Variants in RIMS2 observed in about 807,000 individuals in gnomAD.
The protein encoded by RIMS2 is regulating synaptic membrane exocytosis 2.
Under a neutral mutation model 174.4 loss-of-function variants are expected in RIMS2, and 59 were observed. That is an observed-to-expected ratio of 0.34 (90% CI 0.27 to 0.42). The LOEUF is 0.42. RIMS2 is among the 10% of genes least tolerant of loss of function. The pLI is 1.00. For synonymous variants in RIMS2, 606 were observed against 572.5 expected (o/e 1.06, Z -0.84); for missense variants, 1,620 against 1,666.3 (o/e 0.97, Z 0.48).
intron 1 of RIMS2, among the ~76,000 whole-genome samples, chr8:103,628,006 G>A (rs550846093): frequency 6.6e-6 from 1 of 152,224 alleles, no homozygotes; most frequent in South Asian, 2.1e-4. Flanking sequence ...CTGAACAACT[G>A]CATGCATGCT....
chr8:103,885,634 G>A, exon 4 of RIMS2: 1 of 1,613,098 alleles, frequency 6.2e-7, no homozygotes, highest in Non-Finnish European at 8.5e-7. Flanking sequence ...ATCCAGTAAA[G>A]CCACAACCCT....
intron 19 of RIMS2, among the ~76,000 whole-genome samples, chr8:104,062,237 C>T (rs145938500): frequency 8.1e-4 from 123 of 152,082 alleles, no homozygotes; most frequent in African/African-American, 2.7e-3. Flanking sequence ...ACTCCTGTCT[C>T]TACAAAAAAT....
intron 19 of RIMS2, among the ~76,000 whole-genome samples, chr8:104,102,416 C>T (rs1057109817): frequency 1.3e-5 from 2 of 152,144 alleles, no homozygotes; most frequent in Non-Finnish European, 1.5e-5. Flanking sequence ...GCTTAATTGC[C>T]TCTGAAATAT....
At chr8:104,144,479 G>A (rs1206394439) in intron 19 of RIMS2, among the ~76,000 whole-genome samples, 4 of 152,062 alleles carry the variant, frequency 2.6e-5, no homozygotes, top group African/African-American at 7.2e-5. Flanking sequence ...AAGAAGAAGC[G>A]ATGTTGGACC....
intron 2 of RIMS2, among the ~76,000 whole-genome samples, chr8:103,708,794 T>C (rs541112015): frequency 6.6e-6 from 1 of 152,286 alleles, no homozygotes; most frequent in African/African-American, 2.4e-5. Context: ...GTATTTTTCT[T>C]TGTGTCTCTT....
chr8:103,873,110 G>A (rs1215798888), intron 3 of RIMS2, among the ~76,000 whole-genome samples: 4 of 152,120 alleles, frequency 2.6e-5, no homozygotes, highest in South Asian at 2.1e-4. Flanking sequence ...TTGGTAGATA[G>A]GATATCCTCC....
At chr8:103,601,516 G>C (rs537158788) in intron 1 of RIMS2, among the ~76,000 whole-genome samples, 4 of 152,004 alleles carry the variant, frequency 2.6e-5, no homozygotes, top group Non-Finnish European at 5.9e-5. Flanking sequence ...CATTGGCATG[G>C]AATATCTTTT....
rs374951721 is a variant in RIMS2, at chr8:104,147,253, A to G, written c.3335-97663A>G. On this transcript the variant is annotated intron_variant, in intron 19 of 23. Coordinates refer to ENST00000504942, the Ensembl canonical transcript of RIMS2. The stretch of plus-strand genomic sequence containing the variant: ...TGCGCCTTCTCTCTCTCTCCCTCGC[A>G]CACACACACACTAACTCTCTTTGTC... 2.7e-3 allele frequency among the ~76,000 whole-genome samples: 409 copies of G among 151,672 alleles called. 31 individuals are homozygous for G. The South Asian group carries it at 0.082, about 31-fold the overall frequency.
chr8:104,150,294 A>T (rs2098678837), intron 19 of RIMS2, among the ~76,000 whole-genome samples: 1 of 152,208 alleles, frequency 6.6e-6, no homozygotes, highest in African/African-American at 2.4e-5. Context: ...AATTCCATTC[A>T]CTCAGGGTTC....
intron 1 of RIMS2, among the ~76,000 whole-genome samples, chr8:103,515,261 C>T (rs1828451692): frequency 6.6e-6 from 1 of 152,172 alleles, no homozygotes; most frequent in Non-Finnish European, 1.5e-5. Context: ...ATCACTTTAA[C>T]CTCACTATTC....
At chr8:103,710,614 G>A (rs2097292180) in intron 2 of RIMS2, among the ~76,000 whole-genome samples, 1 of 152,116 alleles carries the variant, frequency 6.6e-6, no homozygotes, top group African/African-American at 2.4e-5. Context: ...GCGTCAGAGT[G>A]TGGCAACTTT....
At chr8:103,545,825 A>G (rs1337992275) in intron 1 of RIMS2, among the ~76,000 whole-genome samples, 2 of 152,178 alleles carry the variant, frequency 1.3e-5, no homozygotes, top group Non-Finnish European at 2.9e-5. Flanking sequence ...TTAACAAGTA[A>G]GGTCCTTAGG....
intron 19 of RIMS2, among the ~76,000 whole-genome samples, chr8:104,047,435 C>G (rs148125255): frequency 6.8e-4 from 104 of 152,186 alleles, no homozygotes; most frequent in African/African-American, 2.5e-3. Flanking sequence ...TGGAACTAAA[C>G]TGCCTCATCA....
At chr8:103,510,748 CAT>C (rs1447232728) in intron 1 of RIMS2, among the ~76,000 whole-genome samples, 2 of 152,258 alleles carry the variant, frequency 1.3e-5, no homozygotes, top group Admixed American at 6.5e-5. Context: ...TTTAAGAACT[CAT>C]GTGATTAGCT....
chr8:104,201,013 G>A (rs909623252), intron 19 of RIMS2, among the ~76,000 whole-genome samples: 2 of 152,124 alleles, frequency 1.3e-5, no homozygotes, highest in African/African-American at 4.8e-5. Context: ...GAAGGTACAC[G>A]TGTAGGTTTG....
At chr8:103,923,150 C>T (rs2154529980) in intron 10 of RIMS2, among the ~76,000 whole-genome samples, 1 of 151,850 alleles carries the variant, frequency 6.6e-6, no homozygotes, top group African/African-American at 2.4e-5. Context: ...GTATTTTCTT[C>T]TACTATACTA....
intron 3 of RIMS2, among the ~76,000 whole-genome samples, chr8:103,853,281 G>A (rs1402222924): frequency 6.6e-6 from 1 of 150,484 alleles, no homozygotes; most frequent in Non-Finnish European, 1.5e-5. Flanking sequence ...TTTTTTGCTT[G>A]TTGAATTGTT....
intron 7 of RIMS2, among the ~76,000 whole-genome samples, chr8:103,916,106 A>G (rs1013203227): frequency 7.9e-5 from 12 of 152,076 alleles, no homozygotes; most frequent in Admixed American, 6.6e-4. Flanking sequence ...CCTGGAGTAT[A>G]GAGTCATAAA....
chr8:103,568,679 T>G lies in RIMS2; in HGVS notation c.176+67617T>G, dbSNP rs77507894. 2.3e-5 allele frequency: 16 copies of G among 687,340 alleles called. No homozygotes were observed. In the African/African-American group the frequency reaches 2.9e-4, roughly 12 times the overall value. 42.6% of individuals were successfully genotyped at this position (687,340 alleles called of 1,614,324 possible). On this transcript the variant is annotated intron_variant, in intron 1 of 23. Transcript: ENST00000504942. ...GAAGCATTTCCCTAGATAAACAATA[T>G]GTAGCAGCTTCATGGTTTTGTTCTT...
Sources: gnomAD v4.1 joint callset for allele counts (sites outside exome capture counted in the v4.1 genomes callset) on GRCh38, gnomAD v4.1.1 for gene constraint, MANE v1.5 for transcripts, NCBI Gene and HGNC (gene_info 2026-07-23, HGNC 2026-07-21) for gene names.